DLC1: variants seen among roughly 807,000 people sequenced by gnomAD.
DLC1 encodes DLC1 Rho GTPase activating protein.
A neutral mutation model predicts 140.3 loss-of-function variants in DLC1; 54 were observed. That is an observed-to-expected ratio of 0.38 (90% CI 0.31 to 0.48). DLC1 has a LOEUF of 0.48. Ranked by LOEUF, DLC1 falls within the 20% of genes least tolerant of loss-of-function variation. The pLI is 0.96. For missense variants in DLC1, 2,536 were observed against 1,907.0 expected, an observed-to-expected ratio of 1.33 and a Z score of -6.14; for synonymous variants, 986 against 728.1, an observed-to-expected ratio of 1.35 and a Z score of -5.70.
At chr8:13,304,641 G>A (rs773725189) in intron 5 of DLC1, 64 of 915,472 alleles carry the variant, frequency 7.0e-5, no homozygotes, top group African/African-American at 3.1e-4. Context: ...ATCTGTTTTC[G>A]TTTTTATTAC....
At chr8:13,557,071 T>C (rs1001559890) in intron 1 of DLC1, among the ~76,000 whole-genome samples, 5 of 152,178 alleles carry the variant, frequency 3.3e-5, no homozygotes, top group African/African-American at 1.2e-4. Flanking sequence ...GATAACTGAG[T>C]ATGAGACAGG....
chr8:13,444,978 A>G (rs1196015669), intron 2 of DLC1, among the ~76,000 whole-genome samples: 1 of 152,102 alleles, frequency 6.6e-6, no homozygotes, highest in Non-Finnish European at 1.5e-5. Flanking sequence ...GGAAGGAGAG[A>G]ACGAAAAAGG....
chr8:13,357,084 T>C (rs1036154131), intron 4 of DLC1, among the ~76,000 whole-genome samples: 3 of 152,010 alleles, frequency 2.0e-5, no homozygotes, highest in Admixed American at 6.6e-5. Context: ...GCCTAGCCCA[T>C]ATAACAAAAC....
intron 4 of DLC1, among the ~76,000 whole-genome samples, chr8:13,336,418 A>T (rs571911981): frequency 6.6e-6 from 1 of 152,334 alleles, no homozygotes; most frequent in Non-Finnish European, 1.5e-5. Flanking sequence ...ATTCCAGGAG[A>T]AAGTTTTTAA....
At chr8:13,574,150 T>A (rs1305013975) in intron 1 of DLC1, among the ~76,000 whole-genome samples, 2 of 152,186 alleles carry the variant, frequency 1.3e-5, no homozygotes, top group Non-Finnish European at 2.9e-5. Flanking sequence ...TCTCCAGGGG[T>A]TGCATTTCCT....
chr8:13,326,492 G>T (rs1355017525), intron 4 of DLC1, among the ~76,000 whole-genome samples: 1 of 152,146 alleles, frequency 6.6e-6, no homozygotes, highest in Admixed American at 6.5e-5. Context: ...TAACCCAAAA[G>T]CTGCCTACTA....
At position 13,503,355 on chromosome 8, in the gene DLC1, G is replaced by A. The variant is rs547971615; in HGVS notation, c.-125-3159C>T. Among the ~76,000 whole-genome samples, 8 of 152,182 alleles carry A rather than the reference G, an allele frequency of 5.3e-5. No individual in the cohort carries two copies. The South Asian group carries it at 1.5e-3, about 28-fold the overall frequency. On this transcript the variant is annotated intron_variant, in intron 1 of 17. Coordinates refer to ENST00000276297, the MANE Select transcript of DLC1 (RefSeq NM_182643.3). ...GGAGGTCAAGACTGCAGTGAGCCAT[G>A]ATCGCACCACTGCACTCTTGCCTGG...
intron 2 of DLC1, among the ~76,000 whole-genome samples, chr8:13,436,040 A>G (rs960477542): frequency 6.6e-6 from 1 of 152,218 alleles, no homozygotes; most frequent in Non-Finnish European, 1.5e-5. Flanking sequence ...TAAGATATGC[A>G]CTTTTTAAAA....
chr8:13,169,546 G>A (rs1019000665), intron 5 of DLC1, among the ~76,000 whole-genome samples: 1 of 152,232 alleles, frequency 6.6e-6, no homozygotes, highest in South Asian at 2.1e-4. Flanking sequence ...CAAGTGAGGG[G>A]GTACTTAGGT....
intron 4 of DLC1, among the ~76,000 whole-genome samples, chr8:13,349,122 A>G (rs13277604): frequency 6.6e-6 from 1 of 151,944 alleles, no homozygotes; most frequent in African/African-American, 2.4e-5. Flanking sequence ...CACTAATCAG[A>G]TAGGTTGTGG....
chr8:13,294,019 G>T (rs1831856153), intron 5 of DLC1, among the ~76,000 whole-genome samples: 1 of 152,156 alleles, frequency 6.6e-6, no homozygotes, highest in Non-Finnish European at 1.5e-5. Context: ...GCAAGGTTTT[G>T]TGGAGTAGAA....
intron 7 of DLC1, among the ~76,000 whole-genome samples, chr8:13,107,896 A>T (rs543574157): frequency 6.6e-6 from 1 of 152,210 alleles, no homozygotes; most frequent in East Asian, 1.9e-4. Flanking sequence ...AATACAAAAA[A>T]TTAGCTGGGC....
chr8:13,520,403 C>T (rs947817762), intron 1 of DLC1, among the ~76,000 whole-genome samples: 4 of 151,922 alleles, frequency 2.6e-5, no homozygotes, highest in East Asian at 1.9e-4. Flanking sequence ...TGTTCTCACC[C>T]ATAAGTGGGA....
At chr8:13,278,652 TAA>T (rs1563219894) in intron 5 of DLC1, among the ~76,000 whole-genome samples, 1 of 152,158 alleles carries the variant, frequency 6.6e-6, no homozygotes, top group Non-Finnish European at 1.5e-5. Flanking sequence ...AGATCTATGA[TAA>T]AGTTAGGGAC....
intron 7 of DLC1, among the ~76,000 whole-genome samples, chr8:13,108,120 G>C (rs1051167271): frequency 6.6e-6 from 1 of 152,090 alleles, no homozygotes; most frequent in African/African-American, 2.4e-5. Context: ...CTGAACATTT[G>C]TTTAGGCCTC....
chr8:13,479,802 A>AAAGAAGAAGAAGAAGAAGAAGAAG (rs60625191), intron 2 of DLC1, among the ~76,000 whole-genome samples: 31 of 56,998 alleles, frequency 5.4e-4, no homozygotes, highest in East Asian at 3.1e-3. Context: ...GAAAGAAAGA[A>AAAGAAGAAGAAGAAGAAGAAGAAG]AAGAAGAAGA....
intron 5 of DLC1, among the ~76,000 whole-genome samples, chr8:13,213,564 A>C (rs1345780182): frequency 6.6e-6 from 1 of 152,214 alleles, no homozygotes; most frequent in Non-Finnish European, 1.5e-5. Flanking sequence ...TTTTGCGTGA[A>C]TTAAATATGA....
chr8:13,238,830 G>A (rs1336390152), intron 5 of DLC1, among the ~76,000 whole-genome samples: 1 of 152,110 alleles, frequency 6.6e-6, no homozygotes, highest in Admixed American at 6.5e-5. Context: ...GCTCTCTGAC[G>A]CGTGCTTCCA....
At position 13,090,852 on chromosome 8, in the gene DLC1, G is replaced by A. The variant is rs550518278; in HGVS notation, c.3856-382C>T. ...AGAGAGTTTCATTCTGTTACCTAGT[G>A]GAGTGCAGTGGCAAAATATTGGTTC... On this transcript the variant is annotated intron_variant, in intron 14 of 17. Coordinates refer to ENST00000276297, the MANE Select transcript of DLC1 (RefSeq NM_182643.3). 3.5e-5 allele frequency among the ~76,000 whole-genome samples: 5 copies of A among 144,702 alleles called. No individual in the cohort carries two copies. The Middle Eastern group carries it at 0.012, about 334-fold the overall frequency. 94.9% of individuals were successfully genotyped at this position (144,702 alleles called of 152,430 possible). A position where few individuals can be genotyped will look rare whatever the true frequency, so the allele number is the denominator to read the frequency against.
Sources: allele counts gnomAD v4.1 joint callset (sites outside exome capture counted in the v4.1 genomes callset), GRCh38; gene constraint gnomAD v4.1.1; transcripts MANE v1.5; gene names NCBI Gene and HGNC (gene_info 2026-07-23, HGNC 2026-07-21).